The following ABCC1 variants were observed in gnomAD, a reference collection of about 807,000 sequenced individuals.
The protein encoded by ABCC1 is ATP binding cassette subfamily C member 1 (ABCC1 blood group).
In ABCC1, 83 loss-of-function variants were observed where a neutral mutation model predicts 172.9. The observed-to-expected ratio is 0.48, with a 90% CI of 0.40 to 0.58. The LOEUF (loss-of-function observed/expected upper bound fraction) is 0.58. ABCC1 is among the 20% of genes least tolerant of loss of function. The pLI is 0.00. For missense variants in ABCC1, 1,817 were observed against 2,002.7 expected (o/e 0.91, Z 1.77); for synonymous variants, 937 against 825.2 (o/e 1.14, Z -2.32).
intron 12 of ABCC1, among the ~76,000 whole-genome samples, chr16:16,067,613 C>T (rs1161500973): frequency 2.0e-5 from 3 of 152,200 alleles, no homozygotes; most frequent in African/African-American, 7.2e-5. Flanking sequence ...GGTCCCACAG[C>T]GGAAATATGG....
At chr16:16,017,416 CTT>C (rs2151767660) in intron 5 of ABCC1, among the ~76,000 whole-genome samples, 1 of 151,884 alleles carries the variant, frequency 6.6e-6, no homozygotes, top group African/African-American at 2.4e-5. Flanking sequence ...CTTTCTTCAA[CTT>C]TTATTTTAAG....
At chr16:15,961,890 C>G (rs1242146891) in intron 1 of ABCC1, among the ~76,000 whole-genome samples, 1 of 151,286 alleles carries the variant, frequency 6.6e-6, no homozygotes, top group Non-Finnish European at 1.5e-5. Context: ...TGGTTTCTTG[C>G]TGTGATAAGC....
chr16:16,121,001 C>T (rs1200493260), intron 23 of ABCC1, among the ~76,000 whole-genome samples: 3 of 152,188 alleles, frequency 2.0e-5, no homozygotes, highest in Admixed American at 6.5e-5. Flanking sequence ...ACTGCTAATA[C>T]TTATTTCTTA....
intron 18 of ABCC1, among the ~76,000 whole-genome samples, chr16:16,089,549 A>G (rs1450246959): frequency 6.6e-6 from 1 of 151,542 alleles, no homozygotes; most frequent in Non-Finnish European, 1.5e-5. Context: ...CCCTATCTCA[A>G]AAAGAAAAAA....
At chr16:15,978,060 C>T (rs775146919) in intron 1 of ABCC1, among the ~76,000 whole-genome samples, 6 of 152,134 alleles carry the variant, frequency 3.9e-5, no homozygotes, top group Admixed American at 6.5e-5. Context: ...GTCTCGTCTT[C>T]ACAATGTCTC....
intron 24 of ABCC1, among the ~76,000 whole-genome samples, chr16:16,124,314 A>ACT (rs1567431912): frequency 6.8e-4 from 21 of 31,030 alleles, no homozygotes; most frequent in Non-Finnish European, 8.8e-4. Flanking sequence ...TTGTTAATGC[A>ACT]CTGTGTGTGT....
intron 26 of ABCC1, among the ~76,000 whole-genome samples, 166 bp downstream of exon 26, chr16:16,126,077 C>A (rs924685163): frequency 6.6e-6 from 1 of 152,102 alleles, no homozygotes; most frequent in Non-Finnish European, 1.5e-5. Context: ...ATTTAGAGCC[C>A]GGTTTTAGGG....
chr16:16,106,215 CAGTCAGGCA>C (rs2152071629), intron 20 of ABCC1, among the ~76,000 whole-genome samples: 1 of 152,138 alleles, frequency 6.6e-6, no homozygotes, highest in South Asian at 2.1e-4. Flanking sequence ...CATGAAGGAG[CAGTCAGGCA>C]AGATCCCACC....
chr16:16,111,331 G>GGGCTGGGTGC, intron 21 of ABCC1, 44 bp from the exon 22 acceptor site: 2 of 1,565,430 alleles, frequency 1.3e-6, no homozygotes, highest in Non-Finnish European at 1.8e-6. Flanking sequence ...GCTGGGGCTG[G>GGGCTGGGTGC]GTGCGTGCAT....
chr16:16,106,299 T>G (rs2052097778), intron 20 of ABCC1, among the ~76,000 whole-genome samples: 1 of 152,032 alleles, frequency 6.6e-6, no homozygotes. Flanking sequence ...CCTATGTTTT[T>G]CATCATATGT....
At chr16:16,127,389 T>C (rs775447299) in intron 26 of ABCC1, among the ~76,000 whole-genome samples, 8 of 152,164 alleles carry the variant, frequency 5.3e-5, no homozygotes, top group Non-Finnish European at 1.2e-4. Context: ...GTATTTTTAG[T>C]AGAGACGGGA....
intron 6 of ABCC1, among the ~76,000 whole-genome samples, chr16:16,034,059 G>A (rs193538): frequency 7.7e-6 from 1 of 129,820 alleles, no homozygotes; most frequent in Non-Finnish European, 1.6e-5. Flanking sequence ...ACAGGCTTTC[G>A]CTCTGTCGCT....
At position 16,124,853 on chromosome 16, in the gene ABCC1, G is replaced by A; in HGVS notation, c.3655G>A (p.Val1219Met). Residue 1219 changes from valine to methionine, a missense_variant, in exon 25 of 31, where the codon GTG (valine) becomes ATG (methionine). Transcript: ENST00000399410. The stretch of plus-strand genomic sequence containing the variant: ...CGTTCTGTTTGCTGCCCTGTTTGCG[G>A]TGATCTCCAGGCACAGCCTCAGTGC... The part of the protein sequence containing the change: ...CIVLFAALFA[V>M]ISRHSLSAGL... 1 of 1,614,190 alleles carries A rather than the reference G, an allele frequency of 6.2e-7. No homozygotes were observed. The highest frequency in any genetic ancestry group is 8.5e-7 in the Non-Finnish European group (1 of 1,180,046).
chr16:16,076,431 T>C (rs770692314), intron 15 of ABCC1, 30 bp downstream of exon 15: 2 of 1,573,776 alleles, frequency 1.3e-6, no homozygotes, highest in Admixed American at 3.9e-5. Flanking sequence ...CACGTGATGG[T>C]GTGGAGAGAG....
chr16:16,107,528 G>GATCC (rs2052183548), intron 21 of ABCC1, among the ~76,000 whole-genome samples: 1 of 152,150 alleles, frequency 6.6e-6, no homozygotes, highest in African/African-American at 2.4e-5. Flanking sequence ...GACCTCAGGT[G>GATCC]ATCCACCCAC....
At chr16:16,008,622 A>G (rs1010289768) in intron 2 of ABCC1, among the ~76,000 whole-genome samples, 10 of 151,932 alleles carry the variant, frequency 6.6e-5, no homozygotes, top group Admixed American at 1.3e-4. Flanking sequence ...TGGGAGGCCA[A>G]GGCGGGCAGG....
chr16:16,037,714 A>T (rs1020272381), intron 7 of ABCC1, among the ~76,000 whole-genome samples: 4 of 152,114 alleles, frequency 2.6e-5, no homozygotes, highest in Non-Finnish European at 4.4e-5. Flanking sequence ...CCTTACAGGG[A>T]AAAACCCCAG....
At chr16:15,990,751 G>A (rs1466840786) in intron 1 of ABCC1, among the ~76,000 whole-genome samples, 1 of 151,262 alleles carries the variant, frequency 6.6e-6, no homozygotes, top group Non-Finnish European at 1.5e-5. Context: ...CTGGGTTCAC[G>A]CCATCCTCCT....
chr16:15,962,629 A>G (rs538436024), intron 1 of ABCC1, among the ~76,000 whole-genome samples: 13 of 152,360 alleles, frequency 8.5e-5, no homozygotes, highest in African/African-American at 3.1e-4. Context: ...CCTTCTTCAC[A>G]TGGTGGCAGG....
Sources: gnomAD v4.1 joint callset for allele counts (sites outside exome capture counted in the v4.1 genomes callset) on GRCh38, gnomAD v4.1.1 for gene constraint, MANE v1.5 for transcripts, NCBI Gene and HGNC (gene_info 2026-07-23, HGNC 2026-07-21) for gene names.